The following DHX35 variants were observed in gnomAD, a reference collection of about 807,000 sequenced individuals.
DHX35 encodes DEAH-box helicase 35, also known as probable ATP-dependent RNA helicase DHX35.
In DHX35, 84 loss-of-function variants were observed where a neutral mutation model predicts 99.6. The observed-to-expected ratio is 0.84, with a 90% CI of 0.71 to 1.01. DHX35 has a LOEUF of 1.01. DHX35 is among the 50% of genes least tolerant of loss of function. DHX35 has a pLI of 0.00. For missense variants in DHX35, 852 were observed against 888.5 expected (o/e 0.96, Z 0.52); for synonymous variants, 331 against 316.2 (o/e 1.05, Z -0.50).
At chr20:38,993,901 G>A (rs890244767) in intron 7 of DHX35, among the ~76,000 whole-genome samples, 1 of 152,128 alleles carries the variant, frequency 6.6e-6, no homozygotes. Flanking sequence ...CAGCTAGACT[G>A]TGAGGTTCTT....
intron 12 of DHX35, among the ~76,000 whole-genome samples, chr20:39,009,464 T>A (rs898311359): frequency 2.6e-5 from 4 of 152,100 alleles, no homozygotes; most frequent in Non-Finnish European, 5.9e-5. Context: ...GGAAGTTGGG[T>A]CACCCTTGTA....
intron 3 of DHX35, among the ~76,000 whole-genome samples, chr20:38,983,257 T>C (rs1265793510): frequency 6.6e-6 from 1 of 152,256 alleles, no homozygotes; most frequent in African/African-American, 2.4e-5. Flanking sequence ...TAATGGTGTA[T>C]AGTCATATAT....
intron 3 of DHX35, among the ~76,000 whole-genome samples, chr20:38,980,272 T>G (rs1368170232): frequency 6.6e-6 from 1 of 152,232 alleles, no homozygotes; most frequent in Non-Finnish European, 1.5e-5. Flanking sequence ...GTGTTCTGTT[T>G]ATGTGTCATG....
At chr20:38,966,235 G>A (rs1030854011) in intron 1 of DHX35, among the ~76,000 whole-genome samples, 1 of 152,228 alleles carries the variant, frequency 6.6e-6, no homozygotes, top group East Asian at 1.9e-4. Context: ...AGCATAGAGC[G>A]TACGCTCAAG....
chr20:39,030,641 G>A (rs1193483975), intron 19 of DHX35, 63 bp from the exon 20 acceptor site: 5 of 1,459,916 alleles, frequency 3.4e-6, no homozygotes, highest in African/African-American at 1.4e-5. Context: ...AAAAATATCT[G>A]TGGGAAAGTC....
intron 3 of DHX35, 34 bp from the exon 4 acceptor site, chr20:38,983,665 T>C (rs1358388289): frequency 6.3e-7 from 1 of 1,585,936 alleles, no homozygotes; most frequent in Non-Finnish European, 8.6e-7. Context: ...AAAAGTGGTA[T>C]CATATGTATA....
intron 21 of DHX35, among the ~76,000 whole-genome samples, chr20:39,037,847 C>T (rs2087180405): frequency 6.6e-6 from 1 of 152,146 alleles, no homozygotes; most frequent in Admixed American, 6.6e-5. Flanking sequence ...CTTCATTTTC[C>T]AATCCTATTA....
intron 19 of DHX35, chr20:39,029,163 C>T (rs1313687354): frequency 1.3e-5 from 2 of 152,144 alleles, no homozygotes; most frequent in Non-Finnish European, 2.9e-5. Flanking sequence ...TCTTTTCTGT[C>T]TTTGGCTCAT....
intron 4 of DHX35, 54 bp from the exon 5 acceptor site, chr20:38,988,759 C>T (rs549494785): frequency 3.4e-5 from 55 of 1,608,888 alleles, no homozygotes; most frequent in African/African-American, 1.3e-4. Context: ...ATAGTATGTG[C>T]GCTGTGCAGT....
intron 4 of DHX35, among the ~76,000 whole-genome samples, chr20:38,987,238 C>A (rs577012414): frequency 1.4e-3 from 217 of 152,116 alleles, no homozygotes; most frequent in South Asian, 3.7e-3. Flanking sequence ...ACTAAACTTT[C>A]TTTTCTTTCT....
At position 38,972,475 on chromosome 20, in the gene DHX35, C is replaced by T; in HGVS notation, c.175-84C>T. 3 of 843,928 alleles carry T rather than the reference C, an allele frequency of 3.6e-6. 1 individual carries two copies. Among genetic ancestry groups the T allele is most frequent in the Non-Finnish European group, 5.8e-6 (3 of 517,508 alleles). The allele number at this position is 843,928 out of a possible 1,614,324, so 52.3% of individuals were successfully genotyped here. A position where few individuals can be genotyped will look rare whatever the true frequency, so the allele number is the denominator to read the frequency against. ...AAAATTCACTTTCCTTTGAAAACAGCTCATTTCACAATGTTTAAATATCGT... is the reference window on the plus strand; with the variant it reads ...AAAATTCACTTTCCTTTGAAAACAGTTCATTTCACAATGTTTAAATATCGT... On this transcript the variant is annotated intron_variant, in intron 2 of 21. Transcript: ENST00000252011.
At chr20:38,968,838 C>T (rs936344540) in intron 1 of DHX35, among the ~76,000 whole-genome samples, 7 of 152,240 alleles carry the variant, frequency 4.6e-5, no homozygotes, top group African/African-American at 1.7e-4. Context: ...AGGCGTGAGC[C>T]ACTGCACCTA....
At chr20:38,989,884 A>T (rs1254330264) in intron 5 of DHX35, among the ~76,000 whole-genome samples, 1 of 152,188 alleles carries the variant, frequency 6.6e-6, no homozygotes, top group Non-Finnish European at 1.5e-5. Context: ...CAGTGCAATA[A>T]AACAGTGAAT....
At chr20:38,988,295 T>A (rs2086280216) in intron 4 of DHX35, among the ~76,000 whole-genome samples, 1 of 152,216 alleles carries the variant, frequency 6.6e-6, no homozygotes, top group Non-Finnish European at 1.5e-5. Context: ...TATGTTCTTA[T>A]AAGTTGCCCC....
At chr20:39,018,932 A>G (rs372500874) in intron 15 of DHX35, 33 bp downstream of exon 15, 3 of 1,607,450 alleles carry the variant, frequency 1.9e-6, no homozygotes, top group Admixed American at 1.7e-5. Context: ...AATTGATTTT[A>G]TTTTGACTGT....
chr20:38,982,206 A>G (rs2086185087), intron 3 of DHX35, among the ~76,000 whole-genome samples: 1 of 152,170 alleles, frequency 6.6e-6, no homozygotes, highest in African/African-American at 2.4e-5. Flanking sequence ...CTCTGCAACA[A>G]TGAGAAGCTT....
intron 16 of DHX35, among the ~76,000 whole-genome samples, chr20:39,023,134 T>A (rs2086898984): frequency 6.6e-6 from 1 of 152,230 alleles, no homozygotes; most frequent in Non-Finnish European, 1.5e-5. Context: ...TTATCAAATT[T>A]CTTTGCCAGA....
chr20:38,986,857 CA>C (rs2086257509), intron 4 of DHX35, among the ~76,000 whole-genome samples: 1 of 152,214 alleles, frequency 6.6e-6, no homozygotes, highest in South Asian at 2.1e-4. Context: ...TCTATAATTT[CA>C]AGTCACCAGG....
At position 38,967,034 on chromosome 20, in the gene DHX35, GC is replaced by G. The variant is rs573412324; in HGVS notation, c.41-2045del. ...CAGTGCCCCACTTACCTGATTTTTGGCCATCTTGAACCTCTGAAACACAACT... is the reference window on the plus strand; with the variant it reads ...CAGTGCCCCACTTACCTGATTTTTGGCATCTTGAACCTCTGAAACACAACT... On this transcript the variant is annotated intron_variant, in intron 1 of 21. Transcript: ENST00000252011. Among the ~76,000 whole-genome samples the G allele has an allele frequency of 1.5e-4, 23 of 152,224 alleles. No homozygotes were observed. In the East Asian group the frequency reaches 4.3e-3, roughly 28 times the overall value.
Sources: allele counts gnomAD v4.1 joint callset (sites outside exome capture counted in the v4.1 genomes callset), GRCh38; gene constraint gnomAD v4.1.1; transcripts MANE v1.5; gene names NCBI Gene and HGNC (gene_info 2026-07-23, HGNC 2026-07-21).